The following TEP1 variants were observed in gnomAD, a reference collection of about 807,000 sequenced individuals.
TEP1 encodes the protein telomerase protein component 1.
TEP1 carries 241 observed loss-of-function variants against 306.3 expected under a neutral mutation model. The observed-to-expected ratio is 0.79, with a 90% CI of 0.71 to 0.88. The LOEUF (loss-of-function observed/expected upper bound fraction) is 0.88, where lower values mean the gene tolerates loss of function less well. Ranked by LOEUF, TEP1 falls within the 40% of genes least tolerant of loss-of-function variation. The pLI is 0.00. For missense variants in TEP1, 3,051 were observed against 3,276.1 expected (o/e 0.93, Z 1.68); for synonymous variants, 1,289 against 1,305.5 (o/e 0.99, Z 0.27).
At position 20,391,162 on chromosome 14, in the gene TEP1, C is replaced by A. The variant is rs902317945; in HGVS notation, c.2098-66G>T. 3.9e-6 allele frequency: 6 copies of A among 1,541,564 alleles called. No homozygotes were observed. The Admixed American group carries it at 5.2e-5, about 13-fold the overall frequency. ...TTGGAATTCACCCTTGCCCAGCCAG[C>A]CCTGGAGGCCAAACCCTTCCATTGG... is the stretch of plus-strand genomic sequence containing the variant. On this transcript the variant is annotated intron_variant, in intron 13 of 54. Transcript: ENST00000262715.
rs773932679 is a variant in TEP1, at chr14:20,406,293, G to A, written c.675C>T (p.Leu225=). ...EEEVEDLAVK[L]TSGDSESHPE... is the part of the protein sequence containing the mutation. ...GATGAGATTCAGAGTCTCCAGAGGT[G>A]AGCTTCACGGCCAGATCCTCCACCT... The change falls in exon 3 of 55, where the codon CTC becomes CTT. Residue 225 remains leucine, a synonymous_variant. Coordinates refer to ENST00000262715, the MANE Select transcript of TEP1 (RefSeq NM_007110.5). 34 of 1,613,988 alleles carry A rather than the reference G, an allele frequency of 2.1e-5. No individual in the cohort carries two copies. Among genetic ancestry groups the A allele is most frequent in the Non-Finnish European group, 2.8e-5 (33 of 1,180,030 alleles).
rs887336483 is a variant in TEP1, at chr14:20,381,181, A to G, written c.4647+132T>C. On this transcript the variant is annotated intron_variant, in intron 32 of 54. Transcript: ENST00000262715. The surrounding 1 kb of genome is among the most constrained non-coding windows in gnomAD (Gnocchi z 4.0). The stretch of plus-strand genomic sequence containing the variant: ...TGAAGAAGAAGGGCAGGAAAACTGA[A>G]AGGAAAGAGGTCAAGGGAGTTTGGG... 6.5e-5 allele frequency: 79 copies of G among 1,218,422 alleles called. No homozygotes were observed. Among genetic ancestry groups the G allele is most frequent in the African/African-American group, 5.4e-4 (36 of 66,986 alleles). The allele number at this position is 1,218,422 out of a possible 1,614,324, so 75.5% of individuals were successfully genotyped here. A position where few individuals can be genotyped will look rare whatever the true frequency, so the allele number is the denominator to read the frequency against.
rs146872301 is a variant in TEP1 at position 20,401,510 on chromosome 14, C to G, written c.1338G>C (p.Gln446His). The G allele has an allele frequency of 1.9e-6, 3 of 1,614,112 alleles. No individual in the cohort carries two copies. Among genetic ancestry groups the G allele is most frequent in the African/African-American group, 1.3e-5 (1 of 74,930 alleles). ...GGGCAGGCTTGTGGATGTGCAGTCGCTGAACCAGCTTCTTCAGGGTGAACC... is the reference window on the plus strand; with the variant it reads ...GGGCAGGCTTGTGGATGTGCAGTCGGTGAACCAGCTTCTTCAGGGTGAACC... ...PPRFTLKKLV[Q>H]RLHIHKPAQH... The change falls in exon 8 of 55, where the codon CAG becomes CAC. Residue 446 changes from glutamine to histidine, a missense_variant. Coordinates refer to ENST00000262715, the MANE Select transcript of TEP1 (RefSeq NM_007110.5).
chr14:20,386,267 G>A, intron 19 of TEP1, 72 bp from the exon 20 acceptor site: 1 of 1,606,018 alleles, frequency 6.2e-7, no homozygotes, highest in Non-Finnish European at 8.5e-7. Context: ...GCACAAACAG[G>A]GAGACGGGGC....
In TEP1 at chr14:20,380,256, C is replaced by T. The variant is rs34401320; in HGVS notation, c.4982G>A (p.Arg1661Gln). The T allele has an allele frequency of 5.1e-3, 8,188 of 1,613,942 alleles. 252 individuals carry two copies. In the African/African-American group the frequency reaches 0.079, roughly 16 times the overall value. ...QHTLRWLNKP[R>Q]TMKNQQSSSL... Reference sequence around the variant, plus strand: ...TTACCTTTGCTGATTTTTCATGGTCCGGGGTTTATTAAGCCATCGTAGTGT... The same window carrying T: ...TTACCTTTGCTGATTTTTCATGGTCTGGGGTTTATTAAGCCATCGTAGTGT... The change falls in exon 34 of 55, where the codon CGG (arginine) becomes CAG (glutamine). Residue 1661 changes from arginine to glutamine, a missense_variant. By Grantham distance (43) the Arg-to-Gln change is conservative (BLOSUM62 1). Around this residue, in one of 3 missense-constraint regions of TEP1, gnomAD observed 1,540 missense variants for 1,705.9 expected, o/e 0.90. Transcript: ENST00000262715.
chr14:20,382,033 A>G lies in TEP1; in HGVS notation c.4304T>C (p.Leu1435Pro), dbSNP rs746641306. 3.1e-6 allele frequency: 5 copies of G among 1,614,060 alleles called. No homozygotes were observed. Among genetic ancestry groups the G allele is most frequent in the South Asian group, 1.1e-5 (1 of 91,088 alleles). The change falls in exon 30 of 55, where the codon CTG becomes CCG. Residue 1435 changes from leucine to proline, a missense_variant. Around this residue, in one of 3 missense-constraint regions of TEP1, gnomAD observed 1,540 missense variants for 1,705.9 expected, o/e 0.90. Coordinates refer to ENST00000262715, the MANE Select transcript of TEP1 (RefSeq NM_007110.5). Reference protein sequence around the residue: ...GLTVDQLHGVLSVWRTLPKGT... With the variant: ...GLTVDQLHGVPSVWRTLPKGT... ...CTTCGGTAGTGTCCGCCACACACTC[A>G]GCACTCCGTGCAGCTGGTCCACAGT...
intron 35 of TEP1, 121 bp downstream of exon 35, chr14:20,379,809 C>T: frequency 7.5e-7 from 1 of 1,331,826 alleles, no homozygotes; most frequent in Non-Finnish European, 1.0e-6. Flanking sequence ...AGCTGATGTG[C>T]AGGCAGTAAA....
At chr14:20,380,212 AG>A in intron 34 of TEP1, 22 bp downstream of exon 34, 2 of 1,606,802 alleles carry the variant, frequency 1.2e-6, no homozygotes, top group Non-Finnish European at 1.7e-6. Context: ...TGGGCTTACT[AG>A]GGTCTGGGGT....
Position 20,378,722 on chromosome 14 carries a change from C to A in TEP1, c.5352+32G>T, listed in dbSNP as rs540803141. ...CACGAGGGTGAGTCATGGCTCAGGG[C>A]CACTCTGACCACTGCAGACCCCAAG... On this transcript the variant is annotated intron_variant, in intron 37 of 54. Transcript: ENST00000262715. 1.5e-5 allele frequency: 24 copies of A among 1,606,890 alleles called. No individual in the cohort carries two copies. In the South Asian group the frequency reaches 2.6e-4, roughly 18 times the overall value.
rs893967419 is a variant in TEP1, at chr14:20,378,427, C to T, written c.5461G>A (p.Ala1821Thr). The T allele has an allele frequency of 1.2e-6, 2 of 1,614,114 alleles. No homozygotes were observed. Among genetic ancestry groups the T allele is most frequent in the Admixed American group, 3.3e-5 (2 of 60,000 alleles). ...EGQVIATGSW[A>T]GSISFFQVDG... Reference sequence around the variant, plus strand: ...ACCTGGAAGAAGCTGATGCTGCCAGCCCAGCTGCCTGTGGCTATTACCTGC... The same window carrying T: ...ACCTGGAAGAAGCTGATGCTGCCAGTCCAGCTGCCTGTGGCTATTACCTGC... The change falls in exon 38 of 55, where the codon GCT (alanine) becomes ACT (threonine). Residue 1821 changes from alanine (A) to threonine (T), a missense_variant. Physicochemically the swap from Ala to Thr is moderately conservative, Grantham distance 58. Transcript: ENST00000262715.
In TEP1 at chr14:20,391,599, C is replaced by T. The variant is rs767407389; in HGVS notation, c.2097G>A (p.Gly699=). 6.2e-7 allele frequency: 1 copy of T among 1,610,912 alleles called. No homozygotes were observed. The highest frequency in any genetic ancestry group is 8.5e-7 in the Non-Finnish European group (1 of 1,178,014). Residue 699 remains glycine (G), a splice_region_variant and synonymous_variant, in exon 13 of 55, where the codon GGG becomes GGA. Coordinates refer to ENST00000262715, the MANE Select transcript of TEP1 (RefSeq NM_007110.5). ...TGGAGGATGCTTTTTGTTTTCTTAC[C>T]CCTTGTGGGTTGCTCTTTGGACAGA... ...DRLCPKSNPQ[G]PPLNYALLLI...
intron 17 of TEP1, 137 bp from the exon 18 acceptor site, chr14:20,388,200 T>A: frequency 1.2e-6 from 1 of 861,698 alleles, no homozygotes. Flanking sequence ...AAGAGGACCA[T>A]AAGCAGTTTA....
intron 42 of TEP1, 44 bp from the exon 43 acceptor site, chr14:20,375,912 G>T (rs751909774): frequency 6.5e-7 from 1 of 1,543,954 alleles, no homozygotes; most frequent in South Asian, 1.1e-5. Flanking sequence ...ACCAAAGGAA[G>T]GATGGGAACC....
At position 20,371,227 on chromosome 14, in the gene TEP1, A is replaced by C. The variant is rs1884815584; in HGVS notation, c.7308T>G (p.Leu2436=). The C allele has an allele frequency of 1.9e-6, 3 of 1,613,922 alleles. No individual in the cohort carries two copies. In the East Asian group the frequency reaches 6.7e-5, roughly 36 times the overall value. The change falls in exon 51 of 55, where the codon CTT becomes CTG. Residue 2436 remains leucine (L), a synonymous_variant. Coordinates refer to ENST00000262715, the MANE Select transcript of TEP1 (RefSeq NM_007110.5). ...FVLQPKDPGV[L]SFLRQKESGE... is the part of the protein sequence containing the mutation. The stretch of plus-strand genomic sequence containing the variant: ...CTCAAATAGGACTTACCAAGAAAGA[A>C]AGAACTCCAGGATCCTTGGGCTGCA...
rs201047669 is a variant in TEP1, at chr14:20,373,370, G to A, written c.6714C>T (p.Ser2238=). ...VCQTHTLLGH[S]GPVRAAAVSE... ...AAACAGCAGCAGCACGGACTGGGCC[G>A]CTGTGTCCCAGGAGGGTGTGGGTTT... Residue 2238 remains serine, a synonymous_variant, in exon 47 of 55, where the codon AGC becomes AGT. Transcript: ENST00000262715. 36 of 1,614,156 alleles carry A rather than the reference G, an allele frequency of 2.2e-5. No homozygotes were observed. Among genetic ancestry groups the A allele is most frequent in the Admixed American group, 2.0e-4 (12 of 60,018 alleles).
chr14:20,380,441 G>A lies in TEP1; in HGVS notation c.4797C>T (p.Pro1599=), dbSNP rs200043242. 185 of 1,613,882 alleles carry A rather than the reference G, an allele frequency of 1.1e-4. No individual in the cohort carries two copies. Among genetic ancestry groups the A allele is most frequent in the Non-Finnish European group, 1.4e-4 (164 of 1,179,998 alleles). Residue 1599 remains proline (P), a synonymous_variant, in exon 34 of 55, where the codon CCC becomes CCT. Transcript: ENST00000262715. The stretch of plus-strand genomic sequence containing the variant: ...TGCGAAACACTGCAACGTCAGCCTC[G>A]GGGAGCTTTTGTTCCTCTTTGGGGA... ...SSVPKEEQKL[P]EADVAVFRTF... is the part of the protein sequence containing the mutation.
chr14:20,377,357 G>A lies in TEP1; in HGVS notation c.6011C>T (p.Ser2004Phe). 1 of 1,614,186 alleles carries A rather than the reference G, an allele frequency of 6.2e-7. No homozygotes were observed. Among genetic ancestry groups the A allele is most frequent in the Non-Finnish European group, 8.5e-7 (1 of 1,180,032 alleles). The part of the protein sequence containing the change: ...GWALKECSLQ[S>F]LWLLSRFQKP... ...CTGGAATCTGGACAGGAGCCAGAGG[G>A]ACTGAAGGGAGCATTCCTTGAGTGC... is the stretch of plus-strand genomic sequence containing the variant. Residue 2004 changes from serine to phenylalanine, a missense_variant, in exon 41 of 55, where the codon TCC becomes TTC. Physicochemically the swap from Ser to Phe is radical, Grantham distance 155. This residue lies in a region of TEP1 where 1,540 missense variants were observed against 1,705.9 expected (regional missense o/e 0.90). Coordinates refer to ENST00000262715, the MANE Select transcript of TEP1 (RefSeq NM_007110.5).
rs150481718 is a variant in TEP1, at chr14:20,384,641, C to T, written c.3180G>A (p.Leu1060=). Residue 1060 remains leucine, a synonymous_variant, in exon 22 of 55, where the codon CTG becomes CTA. Coordinates refer to ENST00000262715, the MANE Select transcript of TEP1 (RefSeq NM_007110.5). The stretch of plus-strand genomic sequence containing the variant: ...CTTTCTGTCTGCTTAGGTAGCTCTT[C>T]AGTTCTGAGATCCGACGTGCGGCCT... ...SEEAARRISE[L]KSYLSRQKGI... The T allele has an allele frequency of 3.5e-5, 56 of 1,613,946 alleles. No homozygotes were observed. The highest frequency in any genetic ancestry group is 4.5e-5 in the Non-Finnish European group (53 of 1,180,044).
intron 27 of TEP1, 70 bp downstream of exon 27, chr14:20,383,104 T>C (rs1876738156): frequency 4.0e-6 from 6 of 1,500,720 alleles, no homozygotes; most frequent in Non-Finnish European, 5.4e-6. Context: ...GCTAGCGGCC[T>C]CGGCACCCCA....
Sources: gnomAD v4.1 joint callset for allele counts on GRCh38, gnomAD v4.1.1 for gene constraint, gnomAD v4.1.1 regional missense constraint, Gnocchi (gnomAD v3.1) non-coding constraint, MANE v1.5 for transcripts, NCBI Gene and HGNC (gene_info 2026-07-23, HGNC 2026-07-21) for gene names.